Variants in HSPG2 observed in about 807,000 individuals in gnomAD.
HSPG2 encodes the protein basement membrane-specific heparan sulfate proteoglycan core protein.
A neutral mutation model predicts 526.6 loss-of-function variants in HSPG2; 278 were observed. That is an observed-to-expected ratio of 0.53 (90% confidence interval 0.48 to 0.58). The LOEUF (loss-of-function observed/expected upper bound fraction) is 0.58. Ranked by LOEUF, HSPG2 falls within the 20% of genes least tolerant of loss-of-function variation. The pLI is 0.00. For missense variants in HSPG2, 5,354 were observed against 6,099.5 expected, an observed-to-expected ratio of 0.88 and a Z score of 4.07; for synonymous variants, 2,465 against 2,555.4, an observed-to-expected ratio of 0.96 and a Z score of 1.07.
In HSPG2 at chr1:21,853,082, G is replaced by A; in HGVS notation, c.6440-12C>T. ...GGTGCTGCCGGGCACTGGACACAGA[G>A]CGGCTGCTCAGAGGCCTGAACTCTT... On this transcript the variant is annotated splice_polypyrimidine_tract_variant and intron_variant, in intron 50 of 96. Coordinates refer to ENST00000374695, the MANE Select transcript of HSPG2 (RefSeq NM_005529.7). 1 of 1,613,630 alleles carries A rather than the reference G, an allele frequency of 6.2e-7. No homozygotes were observed. Among genetic ancestry groups the A allele is most frequent in the Non-Finnish European group, 8.5e-7 (1 of 1,179,922 alleles).
chr1:21,829,483 C>G lies in HSPG2; in HGVS notation c.11892G>C (p.Gly3964=), dbSNP rs746685794. ...DVEFKPLAPD[G]VLLFSGGKSG... ...TCTTCCCCCCGCTGAACAGCAGGAC[C>G]CCGTCAGGGGCGAGTGGCTTGAACT... is the stretch of plus-strand genomic sequence containing the variant. The change falls in exon 87 of 97, where the codon GGG becomes GGC. Residue 3964 remains glycine, a synonymous_variant. Transcript: ENST00000374695. The G allele has an allele frequency of 1.9e-6, 3 of 1,613,388 alleles. No homozygotes were observed. The East Asian group carries it at 6.7e-5, about 36-fold the overall frequency.
At position 21,881,446 on chromosome 1, in the gene HSPG2, G is replaced by C. The variant is rs1457977662; in HGVS notation, c.1711C>G (p.Leu571Val). 1 of 1,613,698 alleles carries C rather than the reference G, an allele frequency of 6.2e-7. No homozygotes were observed. The highest frequency in any genetic ancestry group is 2.2e-5 in the East Asian group (1 of 44,884). The change falls in exon 14 of 97, where the codon CTG becomes GTG. Residue 571 changes from leucine (L) to valine (V), a missense_variant. By Grantham distance (32) the Leu-to-Val change is conservative. Transcript: ENST00000374695. ...PGTPPLSSTQ[L>V]QIDPSLHEFQ... The stretch of plus-strand genomic sequence containing the variant: ...TCGTGCAGGGATGGGTCGATCTGCA[G>C]CTGCGTGGAGGAGAGGGGTGGCGTG...
At position 21,865,242 on chromosome 1, in the gene HSPG2, G is replaced by C; in HGVS notation, c.4395+43C>G. ...AAGCCAGGCTCTGAGTCAGGGTGGA[G>C]GGTGGGGTGGGGTTAGACACAGCAT... On this transcript the variant is annotated intron_variant, in intron 35 of 96. Coordinates refer to ENST00000374695, the MANE Select transcript of HSPG2 (RefSeq NM_005529.7). This position sits in a 1 kb window ranked among gnomAD's most constrained non-coding sequence, Gnocchi z 5.4. The C allele has an allele frequency of 6.3e-7, 1 of 1,585,684 alleles. No individual in the cohort carries two copies. The highest frequency in any genetic ancestry group is 8.7e-7 in the Non-Finnish European group (1 of 1,154,072).
chr1:21,882,150 G>C (rs1641565679), intron 13 of HSPG2, among the ~76,000 whole-genome samples: 1 of 151,866 alleles, frequency 6.6e-6, no homozygotes, highest in Admixed American at 6.6e-5. Context: ...TTCTTGCTAA[G>C]AGACCCACAG....
rs989828989 is a variant in HSPG2, at chr1:21,831,759, G to T, written c.11245C>A (p.Pro3749Thr). 6.2e-7 allele frequency: 1 copy of T among 1,603,878 alleles called. No homozygotes were observed. The highest frequency in any genetic ancestry group is 1.7e-5 in the Admixed American group (1 of 59,658). The change falls in exon 82 of 97, where the codon CCC (proline) becomes ACC (threonine). Residue 3749 changes from proline (P) to threonine (T), a missense_variant. By Grantham distance (38) the Pro-to-Thr change is conservative. Transcript: ENST00000374695. ...AAATGGCCCAGGGCCAGTGGTGTGG[G>T]ATGGCGGATGGTGGCCATGCCTGAG... ...AGSGMATIRH[P>T]TPLALGHFHT...
chr1:21,870,319 T>G (rs1020087747), intron 33 of HSPG2: 1 of 985,432 alleles, frequency 1.0e-6, no homozygotes, highest in Non-Finnish European at 1.2e-6. Flanking sequence ...GCGGTTCTGA[T>G]GAAATGGAGG....
At chr1:21,906,118 AC>A (rs917106705) in intron 1 of HSPG2, among the ~76,000 whole-genome samples, 38 of 152,326 alleles carry the variant, frequency 2.5e-4, no homozygotes, top group African/African-American at 7.5e-4. Flanking sequence ...CAAGACTTGA[AC>A]CTAAGACCCC....
Position 21,832,484 on chromosome 1 carries a change from G to A in HSPG2, c.11207+11C>T. On this transcript the variant is annotated intron_variant, in intron 81 of 96. Coordinates refer to ENST00000374695, the MANE Select transcript of HSPG2 (RefSeq NM_005529.7). ...CAGTCCCCCTGTAGGTGGGGAGGCT[G>A]GGGGTCTCACCGGAACTCGGGCCTT... 6.2e-7 allele frequency: 1 copy of A among 1,606,822 alleles called. No individual in the cohort carries two copies. Among genetic ancestry groups the A allele is most frequent in the Non-Finnish European group, 8.5e-7 (1 of 1,173,300 alleles).
intron 23 of HSPG2, 27 bp from the exon 24 acceptor site, chr1:21,876,069 G>C (rs372805827): frequency 1.2e-6 from 2 of 1,612,480 alleles, no homozygotes; most frequent in African/African-American, 2.7e-5. Flanking sequence ...ACAGGAGCTT[G>C]CGGAGGCCTG....
chr1:21,848,603 T>C lies in HSPG2; in HGVS notation c.7737+40A>G, dbSNP rs34726153. On this transcript the variant is annotated intron_variant, in intron 59 of 96. Transcript: ENST00000374695. This position sits in a 1 kb window ranked among gnomAD's most constrained non-coding sequence, Gnocchi z 4.9. ...CCCCCCTCTTCCCATTGGGGGCTGG[T>C]GTGCCCTGCTTTTGCCCTCCCCACC... 0.057 allele frequency: 91,548 copies of C among 1,610,790 alleles called. 3,114 individuals carry two copies. Among genetic ancestry groups the C allele is most frequent in the South Asian group, 0.11 (9,922 of 90,938 alleles).
chr1:21,892,592 G>A (rs1023026351), intron 3 of HSPG2, among the ~76,000 whole-genome samples: 23 of 152,218 alleles, frequency 1.5e-4, no homozygotes, highest in Admixed American at 5.9e-4. Flanking sequence ...ACCAGCCCCC[G>A]GGCTGGGTGC....
intron 1 of HSPG2, among the ~76,000 whole-genome samples, chr1:21,907,230 C>T (rs766804000): frequency 6.6e-6 from 1 of 152,180 alleles, no homozygotes; most frequent in African/African-American, 2.4e-5. Context: ...AAGAGAGCTT[C>T]GTTCAGCTGC....
chr1:21,846,667 C>T (rs1471012750), intron 62 of HSPG2, 68 bp from the exon 63 acceptor site: 4 of 1,568,920 alleles, frequency 2.5e-6, no homozygotes, highest in Non-Finnish European at 3.5e-6. Flanking sequence ...TGGTGGGACC[C>T]TCTGCCATAG....
chr1:21,828,205 G>C lies in HSPG2; in HGVS notation c.12409+50C>G, dbSNP rs548943002. The C allele has an allele frequency of 9.3e-6, 15 of 1,612,804 alleles. No individual in the cohort carries two copies. The highest frequency in any genetic ancestry group is 1.3e-5 in the Non-Finnish European group (15 of 1,179,868). ...TGGGTGGGCATGGGCTGGAGGTGTC[G>C]CTGACCACCTGTGCCCCTCCCCTCC... On this transcript the variant is annotated intron_variant, in intron 89 of 96. Coordinates refer to ENST00000374695, the MANE Select transcript of HSPG2 (RefSeq NM_005529.7). The surrounding 1 kb of genome is among the most constrained non-coding windows in gnomAD (Gnocchi z 6.0).
At position 21,853,017 on chromosome 1, in the gene HSPG2, C is replaced by G. The variant is rs1639036898; in HGVS notation, c.6493G>C (p.Glu2165Gln). The G allele has an allele frequency of 1.2e-6, 2 of 1,613,774 alleles. No individual in the cohort carries two copies. The highest frequency in any genetic ancestry group is 1.7e-6 in the Non-Finnish European group (2 of 1,179,958). ...CAGTTCAGATCCAGGGTCTGCCCTT[C>G]CGCCACGTGTGAGGAGGAGGGCTCG... ...RIEPSSSHVAEGQTLDLNCVV... is the reference protein window; with the variant it reads ...RIEPSSSHVAQGQTLDLNCVV... Residue 2165 changes from glutamate (E) to glutamine (Q), a missense_variant, in exon 51 of 97, where the codon GAA (glutamate) becomes CAA (glutamine). Physicochemically the swap from Glu to Gln is conservative, Grantham distance 29. Transcript: ENST00000374695.
intron 64 of HSPG2, among the ~76,000 whole-genome samples, chr1:21,845,520 C>T (rs528906911): frequency 2.0e-5 from 3 of 152,130 alleles, no homozygotes; most frequent in East Asian, 1.9e-4. Context: ...TTAGGACTAA[C>T]GGTAGGCGCC....
intron 33 of HSPG2, among the ~76,000 whole-genome samples, chr1:21,869,927 G>A (rs566801393): frequency 6.6e-6 from 1 of 152,344 alleles, no homozygotes; most frequent in South Asian, 2.1e-4. Flanking sequence ...AGCAAGGGAG[G>A]GGCAGAAGTG....
At chr1:21,934,518 C>A (rs1221898226) in intron 1 of HSPG2, among the ~76,000 whole-genome samples, 1 of 152,124 alleles carries the variant, frequency 6.6e-6, no homozygotes, top group African/African-American at 2.4e-5. Context: ...CCTGTCATCC[C>A]AACACTTTAG....
At chr1:21,888,588 G>A in intron 6 of HSPG2, 2 of 1,074,588 alleles carry the variant, frequency 1.9e-6, no homozygotes, top group Middle Eastern at 2.4e-4. Context: ...TTACAGGCGT[G>A]AGCCCCTGCA....
Sources: gnomAD v4.1 joint callset for allele counts (sites outside exome capture counted in the v4.1 genomes callset) on GRCh38, gnomAD v4.1.1 for gene constraint, Gnocchi (gnomAD v3.1) non-coding constraint, MANE v1.5 for transcripts, NCBI Gene and HGNC (gene_info 2026-07-23, HGNC 2026-07-21) for gene names.